Variants in AK9 observed in about 807,000 individuals in gnomAD.
AK9 encodes adenylate kinase domain containing 1.
A neutral mutation model predicts 239.6 loss-of-function variants in AK9; 191 were observed. That is an observed-to-expected ratio of 0.80 (90% CI 0.71 to 0.90). The LOEUF (loss-of-function observed/expected upper bound fraction) is 0.90. AK9 is among the 40% of genes least tolerant of loss of function. The pLI is 0.00. For missense variants in AK9, 1,995 were observed against 2,214.7 expected, an observed-to-expected ratio of 0.90 and a Z score of 1.99; for synonymous variants, 689 against 721.0, an observed-to-expected ratio of 0.96 and a Z score of 0.71.
intron 17 of AK9, among the ~76,000 whole-genome samples, chr6:109,590,023 C>T (rs1187372392): frequency 2.0e-4 from 30 of 151,994 alleles, no homozygotes. Flanking sequence ...TGGTCTATAG[C>T]TTTCTTTTTT....
intron 24 of AK9, among the ~76,000 whole-genome samples, chr6:109,554,614 C>T (rs757105466): frequency 1.3e-5 from 2 of 150,358 alleles, no homozygotes; most frequent in Non-Finnish European, 3.0e-5. Context: ...TCACTGCAAC[C>T]TCCACCTCCC....
intron 17 of AK9, among the ~76,000 whole-genome samples, chr6:109,605,519 A>C (rs1382498217): frequency 6.6e-6 from 1 of 152,094 alleles, no homozygotes. Flanking sequence ...GGCAGAGCTG[A>C]ATGCATTAGA....
At position 109,499,080 on chromosome 6, in the gene AK9, C is replaced by G. The variant is rs777043442; in HGVS notation, c.5010G>C (p.Gly1670=). ...DSLEFAAEFR[G]HYYKMSSQEK... ...CCTGAGAACTCATTTTATAGTAGTGCCCCCTGAACTCTGCTGCAAATTCCA... is the reference window on the plus strand; with the variant it reads ...CCTGAGAACTCATTTTATAGTAGTGGCCCCTGAACTCTGCTGCAAATTCCA... The change falls in exon 36 of 41, where the codon GGG becomes GGC. Residue 1670 remains glycine (G), a synonymous_variant. Coordinates refer to ENST00000424296, the MANE Select transcript of AK9 (RefSeq NM_001145128.3). 2 of 1,578,108 alleles carry G rather than the reference C, an allele frequency of 1.3e-6. No individual in the cohort carries two copies. The highest frequency in any genetic ancestry group is 3.7e-5 in the Admixed American group (2 of 53,420).
intron 20 of AK9, among the ~76,000 whole-genome samples, chr6:109,574,834 T>C (rs1204945200): frequency 6.6e-6 from 1 of 152,134 alleles, no homozygotes; most frequent in South Asian, 2.1e-4. Flanking sequence ...CTGTACCCAA[T>C]GTGTAGTCTT....
chr6:109,631,731 G>A (rs1796104168), intron 12 of AK9: 2 of 152,148 alleles, frequency 1.3e-5, no homozygotes, highest in Non-Finnish European at 2.9e-5. Flanking sequence ...AGTTTTATTA[G>A]TGCTCAAATG....
At chr6:109,551,136 A>C (rs1784305941) in intron 24 of AK9, among the ~76,000 whole-genome samples, 1 of 152,226 alleles carries the variant, frequency 6.6e-6, no homozygotes. Context: ...TTCTTTCCAC[A>C]AAACAAGATA....
chr6:109,594,191 C>A (rs1422378280), intron 17 of AK9, among the ~76,000 whole-genome samples: 1 of 152,092 alleles, frequency 6.6e-6, no homozygotes, highest in Non-Finnish European at 1.5e-5. Context: ...AATCAGTGTG[C>A]AAAAATCGAA....
intron 33 of AK9, among the ~76,000 whole-genome samples, chr6:109,508,499 T>A (rs952210445): frequency 1.3e-5 from 2 of 152,098 alleles, no homozygotes; most frequent in Admixed American, 6.5e-5. Context: ...CCCCAGTAAA[T>A]GAACTCGAGA....
At chr6:109,636,714 GA>G (rs1211228798) in intron 10 of AK9, among the ~76,000 whole-genome samples, 1 of 139,188 alleles carries the variant, frequency 7.2e-6, no homozygotes, top group Non-Finnish European at 1.5e-5. Flanking sequence ...TCATATATAA[GA>G]ATTTTACTCC....
At position 109,621,901 on chromosome 6, in the gene AK9, AAAAAAAAAAAAC is replaced by A. The variant is rs1286572231; in HGVS notation, c.1255-2677_1255-2666del. ...AAAACTTAAAGTATAATTAAAAAAAAAAAAAAAAAAACAAAAAAAAAACAGAAAGAGAAATTC... is the reference window on the plus strand; with the variant it reads ...AAAACTTAAAGTATAATTAAAAAAAAAAAAAAAAAACAGAAAGAGAAATTC... On this transcript the variant is annotated intron_variant, in intron 12 of 40. Coordinates refer to ENST00000424296, the MANE Select transcript of AK9 (RefSeq NM_001145128.3). Among the ~76,000 whole-genome samples, 185 of 102,870 alleles carry A rather than the reference AAAAAAAAAAAAC, an allele frequency of 1.8e-3. 1 individual carries two copies. Among genetic ancestry groups the A allele is most frequent in the East Asian group, 8.3e-3 (19 of 2,300 alleles). 67.5% of individuals were successfully genotyped at this position (102,870 alleles called of 152,430 possible). A position where few individuals can be genotyped will look rare whatever the true frequency, so the allele number is the denominator to read the frequency against.
intron 16 of AK9, among the ~76,000 whole-genome samples, chr6:109,611,551 TTG>T (rs147740065): frequency 1.6e-4 from 24 of 151,492 alleles, no homozygotes; most frequent in Middle Eastern, 3.4e-3. Context: ...CAAGCAGAGT[TTG>T]TGTGTGTGTG....
intron 17 of AK9, among the ~76,000 whole-genome samples, chr6:109,604,045 T>C (rs1215093783): frequency 1.3e-5 from 2 of 151,488 alleles, no homozygotes; most frequent in African/African-American, 4.9e-5. Context: ...TTCACCGTGC[T>C]TCAGCTCATG....
At chr6:109,510,910 A>G (rs889190638) in intron 32 of AK9, among the ~76,000 whole-genome samples, 1 of 152,222 alleles carries the variant, frequency 6.6e-6, no homozygotes, top group Non-Finnish European at 1.5e-5. Context: ...GGCTAATGAT[A>G]TCAACAGCAA....
chr6:109,636,542 C>T (rs1422375852), intron 10 of AK9, among the ~76,000 whole-genome samples: 2 of 151,448 alleles, frequency 1.3e-5, no homozygotes, highest in African/African-American at 4.9e-5. Context: ...GAACTCTGTA[C>T]TCATGAAATA....
In AK9 at chr6:109,633,324, C is replaced by A; in HGVS notation, c.934-1G>T. On this transcript the variant is annotated splice_acceptor_variant, in intron 10 of 40. Transcript: ENST00000424296. LOFTEE classifies it high-confidence loss of function. ...ATGCAAGAGTACGAAATAGCTCATCCTGTGAATTGCAAATACTACATTAAA... is the reference window on the plus strand; with the variant it reads ...ATGCAAGAGTACGAAATAGCTCATCATGTGAATTGCAAATACTACATTAAA... 6.3e-7 allele frequency: 1 copy of A among 1,590,116 alleles called. No homozygotes were observed. The highest frequency in any genetic ancestry group is 1.2e-5 in the South Asian group (1 of 85,586).
At chr6:109,511,060 G>GTTT (rs200285676) in intron 32 of AK9, among the ~76,000 whole-genome samples, 3 of 123,164 alleles carry the variant, frequency 2.4e-5, no homozygotes, top group African/African-American at 2.9e-5. Context: ...AAATCTGCTT[G>GTTT]TTTTTTTTTT....
chr6:109,620,200 T>C (rs1413084442), intron 12 of AK9, among the ~76,000 whole-genome samples: 1 of 152,160 alleles, frequency 6.6e-6, no homozygotes, highest in Non-Finnish European at 1.5e-5. Flanking sequence ...GGTCATATGG[T>C]AAGTGTGTAG....
intron 38 of AK9, among the ~76,000 whole-genome samples, chr6:109,496,304 C>T (rs905210462): frequency 3.9e-5 from 6 of 152,228 alleles, no homozygotes; most frequent in Non-Finnish European, 5.9e-5. Context: ...CCCCCTGACT[C>T]CTGTGTCTTC....
intron 19 of AK9, among the ~76,000 whole-genome samples, chr6:109,582,255 G>A (rs914551578): frequency 6.6e-6 from 1 of 152,146 alleles, no homozygotes; most frequent in Non-Finnish European, 1.5e-5. Flanking sequence ...TAATTATTAA[G>A]AAACACATTT....
Sources: allele counts gnomAD v4.1 joint callset (sites outside exome capture counted in the v4.1 genomes callset), GRCh38; gene constraint gnomAD v4.1.1; transcripts MANE v1.5; gene names NCBI Gene and HGNC (gene_info 2026-07-23, HGNC 2026-07-21).